Variants in KCNH8 observed in about 807,000 individuals in gnomAD.
KCNH8 encodes potassium voltage-gated channel subfamily H member 8.
In KCNH8, 70 loss-of-function variants were observed where a neutral mutation model predicts 103.6. The observed-to-expected ratio is 0.68, with a 90% CI of 0.56 to 0.82. KCNH8 has a LOEUF of 0.82. KCNH8 is among the 40% of genes least tolerant of loss of function. The pLI, the probability that KCNH8 is intolerant of heterozygous loss-of-function variation, is 0.00. For missense variants in KCNH8, 1,217 were observed against 1,329.9 expected (o/e 0.92, Z 1.32); for synonymous variants, 498 against 489.4 (o/e 1.02, Z -0.23).
intron 5 of KCNH8, among the ~76,000 whole-genome samples, chr3:19,388,376 C>G (rs1265795969): frequency 6.6e-6 from 1 of 151,926 alleles, no homozygotes; most frequent in African/African-American, 2.4e-5. Flanking sequence ...GCGGAAGTAC[C>G]TGAGCCTAGA....
At chr3:19,206,168 G>GTGTGTGTATATATATATA (rs979868166) in intron 1 of KCNH8, among the ~76,000 whole-genome samples, 6 of 139,254 alleles carry the variant, frequency 4.3e-5, no homozygotes, top group African/African-American at 1.7e-4. Flanking sequence ...TGGTGTGTGT[G>GTGTGTGTATATATATATA]TATATATATA....
intron 5 of KCNH8, among the ~76,000 whole-genome samples, chr3:19,372,051 C>T (rs1365788172): frequency 2.0e-5 from 3 of 152,166 alleles, no homozygotes; most frequent in African/African-American, 7.2e-5. Context: ...AGTGTGATGC[C>T]TCCAGGTTTG....
intron 7 of KCNH8, among the ~76,000 whole-genome samples, chr3:19,430,378 T>C (rs1014808689): frequency 6.6e-5 from 10 of 152,222 alleles, no homozygotes; most frequent in Admixed American, 2.0e-4. Flanking sequence ...AGCCTGGTAG[T>C]ATAAGTTGGG....
intron 5 of KCNH8, among the ~76,000 whole-genome samples, chr3:19,358,238 ATTCTTTCT>A (rs139424901): frequency 0.16 from 17,228 of 106,994 alleles, 930 homozygotes; most frequent in Middle Eastern, 0.24. Flanking sequence ...TCTTTCTTTC[ATTCTTTCT>A]TTCTTTCTCT....
intron 1 of KCNH8, among the ~76,000 whole-genome samples, chr3:19,212,084 G>A (rs1238666366): frequency 6.6e-6 from 1 of 151,534 alleles, no homozygotes; most frequent in Non-Finnish European, 1.5e-5. Flanking sequence ...TTTATTCATG[G>A]TGTTCCTTCT....
At chr3:19,419,525 A>G (rs2066919974) in intron 7 of KCNH8, among the ~76,000 whole-genome samples, 1 of 151,972 alleles carries the variant, frequency 6.6e-6, no homozygotes, top group East Asian at 1.9e-4. Context: ...TGTGGCCTTC[A>G]GCCCTAAAGA....
intron 13 of KCNH8, among the ~76,000 whole-genome samples, 183 bp downstream of exon 13, chr3:19,513,508 T>C (rs1349155444): frequency 6.6e-6 from 1 of 152,162 alleles, no homozygotes; most frequent in Non-Finnish European, 1.5e-5. Flanking sequence ...GCATGCAGGA[T>C]GGGCAAAATA....
At chr3:19,403,529 A>G (rs2066647538) in intron 7 of KCNH8, among the ~76,000 whole-genome samples, 1 of 151,164 alleles carries the variant, frequency 6.6e-6, no homozygotes, top group African/African-American at 2.4e-5. Context: ...TAATAAGTCT[A>G]TGGGTACTGA....
chr3:19,464,259 C>T (rs2067691629), intron 11 of KCNH8, among the ~76,000 whole-genome samples: 1 of 152,026 alleles, frequency 6.6e-6, no homozygotes, highest in African/African-American at 2.4e-5. Context: ...CCTGATTTAT[C>T]ACAAGTTGCT....
At position 19,179,675 on chromosome 3, in the gene KCNH8, CAGAT is replaced by C. The variant is rs1415311177; in HGVS notation, c.76+30883_76+30886del. On this transcript the variant is annotated intron_variant, in intron 1 of 15. Transcript: ENST00000328405. ...TATTGTTTCCAAAGAAATACAATAA[CAGAT>C]AGTGTTATTTAAGTAAAGTCGTAGG... is the stretch of plus-strand genomic sequence containing the variant. Among the ~76,000 whole-genome samples the C allele has an allele frequency of 7.9e-5, 12 of 152,076 alleles. No homozygotes were observed. In the East Asian group the frequency reaches 1.4e-3, roughly 17 times the overall value.
chr3:19,327,238 A>G (rs901177738), intron 3 of KCNH8, among the ~76,000 whole-genome samples: 4 of 152,204 alleles, frequency 2.6e-5, no homozygotes, highest in African/African-American at 9.6e-5. Flanking sequence ...ATTGGTAGGA[A>G]GAAAAGCATA....
intron 3 of KCNH8, among the ~76,000 whole-genome samples, chr3:19,339,236 C>A (rs1332271801): frequency 6.6e-6 from 1 of 152,030 alleles, no homozygotes; most frequent in Admixed American, 6.6e-5. Flanking sequence ...TTTGGAAAAT[C>A]TGTTATTAAT....
chr3:19,505,159 A>T (rs1283614849), intron 11 of KCNH8, among the ~76,000 whole-genome samples: 1 of 152,034 alleles, frequency 6.6e-6, no homozygotes, highest in Admixed American at 6.6e-5. Flanking sequence ...CTAAATGAAC[A>T]TGGATGGAGC....
chr3:19,157,634 A>T (rs1463650602), intron 1 of KCNH8, among the ~76,000 whole-genome samples: 1 of 152,194 alleles, frequency 6.6e-6, no homozygotes, highest in African/African-American at 2.4e-5. Context: ...TCTTTATGTC[A>T]TCACTTGAAT....
At chr3:19,160,967 T>G (rs1039309589) in intron 1 of KCNH8, among the ~76,000 whole-genome samples, 2 of 152,136 alleles carry the variant, frequency 1.3e-5, no homozygotes, top group African/African-American at 2.4e-5. Context: ...AGAAAGTGCT[T>G]CCTTTAAGTA....
intron 5 of KCNH8, among the ~76,000 whole-genome samples, chr3:19,377,186 AAAAT>A (rs1222428843): frequency 6.6e-6 from 1 of 152,256 alleles, no homozygotes; most frequent in Non-Finnish European, 1.5e-5. Context: ...TCAAAAAACT[AAAAT>A]AAAAGATATT....
chr3:19,372,823 G>C (rs1045457661), intron 5 of KCNH8, among the ~76,000 whole-genome samples: 43 of 152,152 alleles, frequency 2.8e-4, no homozygotes, highest in Admixed American at 4.6e-4. Flanking sequence ...TAGCATGAAG[G>C]GTTGTTGAAT....
intron 1 of KCNH8, among the ~76,000 whole-genome samples, chr3:19,207,061 T>C (rs1248165418): frequency 6.6e-6 from 1 of 151,844 alleles, no homozygotes; most frequent in Non-Finnish European, 1.5e-5. Context: ...AGTTTGGTCT[T>C]GAAAAAAAGA....
At chr3:19,315,978 G>A (rs1431033041) in intron 3 of KCNH8, among the ~76,000 whole-genome samples, 1 of 151,910 alleles carries the variant, frequency 6.6e-6, no homozygotes, top group Admixed American at 6.6e-5. Context: ...AAAGTTAACT[G>A]TCCTTAAATT....
Sources: allele counts gnomAD v4.1 joint callset (sites outside exome capture counted in the v4.1 genomes callset), GRCh38; gene constraint gnomAD v4.1.1; transcripts MANE v1.5; gene names NCBI Gene and HGNC (gene_info 2026-07-23, HGNC 2026-07-21).